The following CYP46A1 variants were observed in gnomAD, a reference collection of about 807,000 sequenced individuals.
CYP46A1 encodes cytochrome P450 family 46 subfamily A member 1.
A neutral mutation model predicts 63.3 loss-of-function variants in CYP46A1; 20 were observed. The ratio of observed to expected loss-of-function variants is 0.32; its 90% CI spans 0.22 to 0.46. The LOEUF (loss-of-function observed/expected upper bound fraction) is 0.46, where lower values mean the gene tolerates loss of function less well. Among genes scored for constraint, CYP46A1 ranks in the 20% least tolerant of loss-of-function variants. The pLI, the probability that CYP46A1 is intolerant of heterozygous loss-of-function variation, is 1.00. For missense variants in CYP46A1, 445 were observed against 670.8 expected (o/e 0.66, Z 3.72); for synonymous variants, 268 against 273.6 (o/e 0.98, Z 0.20).
intron 7 of CYP46A1, chr14:99,710,404 A>C (rs1275316090): frequency 6.6e-6 from 1 of 152,168 alleles, no homozygotes; most frequent in Non-Finnish European, 1.5e-5. Flanking sequence ...TGGATAAAAA[A>C]ATTACCCAAC....
At chr14:99,706,855 T>C in intron 6 of CYP46A1, 70 bp downstream of exon 6, 1 of 1,538,448 alleles carries the variant, frequency 6.5e-7, no homozygotes, top group Non-Finnish European at 8.8e-7. Context: ...TCTCTCCCTC[T>C]TCCCTTCTCT....
rs532268440 is a variant in CYP46A1 at position 99,698,241 on chromosome 14, C to A, written c.283-1225C>A. On this transcript the variant is annotated intron_variant, in intron 3 of 14. Transcript: ENST00000261835. Reference sequence around the variant, plus strand: ...GAGGGCAGGCCTCTGGGCTCTGGGTCCTGCAGCACGTTCCCCCTCATGTAC... The same window carrying A: ...GAGGGCAGGCCTCTGGGCTCTGGGTACTGCAGCACGTTCCCCCTCATGTAC... Among the ~76,000 whole-genome samples, 10 of 152,078 alleles carry A rather than the reference C, an allele frequency of 6.6e-5. No homozygotes were observed. The East Asian group carries it at 9.7e-4, about 15-fold the overall frequency.
chr14:99,704,655 A>G (rs759162132), intron 5 of CYP46A1, among the ~76,000 whole-genome samples: 3 of 152,350 alleles, frequency 2.0e-5, no homozygotes, highest in Non-Finnish European at 4.4e-5. Context: ...AACCGGCCAC[A>G]TACTATCTGG....
In CYP46A1 at chr14:99,685,091, C is replaced by A. The variant is rs1427688349; in HGVS notation, c.119+555C>A. On this transcript the variant is annotated intron_variant, in intron 1 of 14. Coordinates refer to ENST00000261835, the MANE Select transcript of CYP46A1 (RefSeq NM_006668.2). ...TTACACCCCCCTCAACTTGCCAACCCCCCCCCACCCCCAGCTTAGCTTTGT... is the reference window on the plus strand; with the variant it reads ...TTACACCCCCCTCAACTTGCCAACCACCCCCCACCCCCAGCTTAGCTTTGT... 7.1e-5 allele frequency among the ~76,000 whole-genome samples: 2 copies of A among 28,296 alleles called. 1 individual carries two copies. 18.6% of individuals were successfully genotyped at this position (28,296 alleles called of 152,430 possible).
rs372548812 is a variant in CYP46A1 at position 99,707,618 on chromosome 14, G to C, written c.633G>C (p.Leu211=). 3.1e-6 allele frequency: 5 copies of C among 1,614,004 alleles called. No individual in the cohort carries two copies. In the African/African-American group the frequency reaches 6.7e-5, roughly 22 times the overall value. The change falls in exon 7 of 15, where the codon CTG becomes CTC. Residue 211 remains leucine (L), a synonymous_variant. Coordinates refer to ENST00000261835, the MANE Select transcript of CYP46A1 (RefSeq NM_006668.2). ...TSMLLGAQKP[L]SQAVKLMLEG... ...TGCTGCTGGGTGCCCAGAAGCCTCT[G>C]TCCCAGGCAGTGAAACTTATGTTGG...
chr14:99,691,230 C>T, intron 2 of CYP46A1, 69 bp downstream of exon 2: 1 of 1,476,284 alleles, frequency 6.8e-7, no homozygotes, highest in Non-Finnish European at 9.5e-7. Flanking sequence ...CAACCCAATC[C>T]AGCACACAGA....
At chr14:99,721,151 G>T in intron 10 of CYP46A1, 88 bp from the exon 11 acceptor site, 2 of 905,928 alleles carry the variant, frequency 2.2e-6, no homozygotes, top group South Asian at 1.4e-5. Context: ...CTCTCTTCAC[G>T]CTTCCTTCCA....
rs767171699 is a variant in CYP46A1 at position 99,717,780 on chromosome 14, G to A, written c.908-274G>A. On this transcript the variant is annotated intron_variant, in intron 9 of 14. Coordinates refer to ENST00000261835, the MANE Select transcript of CYP46A1 (RefSeq NM_006668.2). The stretch of plus-strand genomic sequence containing the variant: ...TGGGAAGGCGAGGCCTTGGGCTCAC[G>A]GACTTTGAATTGTGTCCCCCCCACT... 154 of 411,012 alleles carry A rather than the reference G, an allele frequency of 3.7e-4. No homozygotes were observed. The Middle Eastern group carries it at 6.4e-3, about 17-fold the overall frequency. The allele number at this position is 411,012 out of a possible 1,614,324, so 25.5% of individuals were successfully genotyped here. A position where few individuals can be genotyped will look rare whatever the true frequency, so the allele number is the denominator to read the frequency against.
intron 1 of CYP46A1, among the ~76,000 whole-genome samples, chr14:99,689,040 C>T (rs2056520675): frequency 6.6e-6 from 1 of 152,206 alleles, no homozygotes; most frequent in African/African-American, 2.4e-5. Context: ...TCTTGGTCCT[C>T]TTCTCTGTCT....
At chr14:99,686,174 G>A (rs182721301) in intron 1 of CYP46A1, among the ~76,000 whole-genome samples, 1 of 152,084 alleles carries the variant, frequency 6.6e-6, no homozygotes, top group African/African-American at 2.4e-5. Context: ...TGAGTTCCGT[G>A]GTGGACACTA....
intron 3 of CYP46A1, among the ~76,000 whole-genome samples, chr14:99,692,217 A>G (rs374146921): frequency 6.6e-6 from 1 of 152,260 alleles, no homozygotes. Context: ...AGAATTAAAA[A>G]TTGATCAGTT....
chr14:99,707,207 T>G (rs1049324537), intron 6 of CYP46A1, among the ~76,000 whole-genome samples: 1 of 152,196 alleles, frequency 6.6e-6, no homozygotes, highest in Non-Finnish European at 1.5e-5. Context: ...GGAACTGCAG[T>G]GTGGGGACAG....
intron 10 of CYP46A1, 78 bp downstream of exon 10, chr14:99,718,204 C>A: frequency 1.6e-6 from 2 of 1,260,948 alleles, no homozygotes; most frequent in South Asian, 1.3e-5. Context: ...CCCCACCTCC[C>A]ATGGTTGAGT....
chr14:99,721,105 A>G, intron 10 of CYP46A1, 134 bp from the exon 11 acceptor site: 1 of 678,584 alleles, frequency 1.5e-6, no homozygotes. Context: ...ATAAAGCTAC[A>G]AGTAACAGTG....
rs376074712 is a variant in CYP46A1, at chr14:99,718,770, T to G, written c.980+644T>G. ...GGCCTTCAATTACAATTATTAGTCA[T>G]CAGCAGCATATAAGGGCGGAAGTGA... On this transcript the variant is annotated intron_variant, in intron 10 of 14. Coordinates refer to ENST00000261835, the MANE Select transcript of CYP46A1 (RefSeq NM_006668.2). Among the ~76,000 whole-genome samples the G allele has an allele frequency of 2.6e-4, 39 of 152,200 alleles. No individual in the cohort carries two copies. In the East Asian group the frequency reaches 5.4e-3, roughly 21 times the overall value.
intron 1 of CYP46A1, among the ~76,000 whole-genome samples, chr14:99,688,056 A>G (rs567203555): frequency 6.7e-6 from 1 of 148,868 alleles, no homozygotes; most frequent in Non-Finnish European, 1.5e-5. Flanking sequence ...CTGAGATGGC[A>G]CTCACCTTCC....
At position 99,684,465 on chromosome 14, in the gene CYP46A1, C is replaced by T. The variant is rs569975911; in HGVS notation, c.48C>T (p.Phe16=). 2.0e-5 allele frequency: 30 copies of T among 1,479,056 alleles called. 2 individuals carry two copies. In the South Asian group the frequency reaches 3.3e-4, roughly 16 times the overall value. The allele number at this position is 1,479,056 out of a possible 1,614,324, so 91.6% of individuals were successfully genotyped here. A position where few individuals can be genotyped will look rare whatever the true frequency, so the allele number is the denominator to read the frequency against. ...LLLGSAVLLA[F]GLCCTFVHRA... ...TCGGCAGCGCCGTCCTGCTCGCCTT[C>T]GGCCTCTGCTGCACCTTCGTGCACC... The change falls in exon 1 of 15, where the codon TTC becomes TTT. Residue 16 remains phenylalanine, a synonymous_variant. Transcript: ENST00000261835.
chr14:99,686,400 G>A (rs1435157679), intron 1 of CYP46A1, among the ~76,000 whole-genome samples: 1 of 152,160 alleles, frequency 6.6e-6, no homozygotes, highest in African/African-American at 2.4e-5. Context: ...ATGATTCAGT[G>A]GTTTTTGGTA....
intron 7 of CYP46A1, chr14:99,707,879 G>T: frequency 1.8e-6 from 1 of 567,710 alleles, no homozygotes; most frequent in East Asian, 2.9e-5. Flanking sequence ...AGTAAATTAG[G>T]AGTTAATCTT....
Sources: gnomAD v4.1 joint callset for allele counts (sites outside exome capture counted in the v4.1 genomes callset) on GRCh38, gnomAD v4.1.1 for gene constraint, MANE v1.5 for transcripts, NCBI Gene and HGNC (gene_info 2026-07-23, HGNC 2026-07-21) for gene names.